WIPF1: variants seen among roughly 807,000 people sequenced by gnomAD.
The protein encoded by WIPF1 is WAS/WASL-interacting protein family member 1.
In WIPF1, 13 loss-of-function variants were observed where a neutral mutation model predicts 35.4. The ratio of observed to expected loss-of-function variants is 0.37; its 90% CI spans 0.24 to 0.58. WIPF1 has a LOEUF of 0.58. WIPF1 is among the 20% of genes least tolerant of loss of function. The pLI is 0.74. For synonymous variants in WIPF1, 267 were observed against 266.3 expected, an observed-to-expected ratio of 1.00 and a Z score of -0.02; for missense variants, 591 against 667.0, an observed-to-expected ratio of 0.89 and a Z score of 1.25.
intron 1 of WIPF1, chr2:174,673,840 G>C (rs78033978): frequency 7.4e-6 from 1 of 136,032 alleles, no homozygotes; most frequent in African/African-American, 2.7e-5. Flanking sequence ...AAAAAAAAAA[G>C]AGTAACACTT....
At chr2:174,562,644 C>T (rs144729001) in intron 7 of WIPF1, 42 bp from the exon 8 acceptor site, 13 of 1,609,998 alleles carry the variant, frequency 8.1e-6, no homozygotes, top group Non-Finnish European at 1.1e-5. Flanking sequence ...GGTTAGAAAG[C>T]TGATGTTCTC....
At chr2:174,601,874 A>G (rs1686019837), upstream of WIPF1, among the ~76,000 whole-genome samples, 1 of 152,128 alleles carries the variant, frequency 6.6e-6, no homozygotes, top group Non-Finnish European at 1.5e-5. Flanking sequence ...CCTGGGCTCC[A>G]CTCCACTGTC....
exon 1 of WIPF1, chr2:174,682,852 A>C (rs1284379853): frequency 1.3e-5 from 2 of 151,834 alleles, no homozygotes; most frequent in African/African-American, 4.8e-5. Context: ...CGGGGTCCGC[A>C]GGGCTGAGCC....
Position 174,678,398 on chromosome 2 carries a change from T to C in WIPF1, c.-39+4376A>G, listed in dbSNP as rs146248867. Among the ~76,000 whole-genome samples the C allele has an allele frequency of 5.9e-5, 9 of 152,370 alleles. No individual in the cohort carries two copies. In the East Asian group the frequency reaches 1.7e-3, roughly 29 times the overall value. ...TTAGCTACATTTTTATTTTATTGAC[T>C]ATTAGCATAGTCTATTATTTTTGAC... On this transcript the variant is annotated intron_variant, in intron 1 of 8. Coordinates refer to the WIPF1 transcript ENST00000272746.
chr2:174,584,638 A>C (rs1168755106), intron 2 of WIPF1, among the ~76,000 whole-genome samples: 1 of 152,140 alleles, frequency 6.6e-6, no homozygotes, highest in Non-Finnish European at 1.5e-5. Context: ...TGAGCCGGGC[A>C]CAGTGGCTCA....
rs867644386 is a variant in WIPF1 at position 174,671,027 on chromosome 2, A to T, written c.-39+11747T>A. On this transcript the variant is annotated intron_variant, in intron 1 of 8. Transcript: ENST00000272746. The stretch of plus-strand genomic sequence containing the variant: ...AGTCCGGAATTGGTGCTTCCTGGTT[A>T]TATCTGAAGTGCTCCTTAAAAGGGG... 3.3e-5 allele frequency among the ~76,000 whole-genome samples: 5 copies of T among 152,314 alleles called. No homozygotes were observed. In the Middle Eastern group the frequency reaches 0.014, roughly 414 times the overall value.
chr2:174,642,852 T>G (rs1049527053), intron 1 of WIPF1, among the ~76,000 whole-genome samples: 7 of 149,542 alleles, frequency 4.7e-5, no homozygotes, highest in African/African-American at 1.8e-4. Flanking sequence ...CCCCACTTTG[T>G]TTTGCTTTAT....
At chr2:174,662,881 C>A (rs1441610477) in intron 1 of WIPF1, among the ~76,000 whole-genome samples, 2 of 152,202 alleles carry the variant, frequency 1.3e-5, no homozygotes, top group Non-Finnish European at 2.9e-5. Context: ...ATGAATGCAA[C>A]ACCTTTAACA....
intron 1 of WIPF1, among the ~76,000 whole-genome samples, chr2:174,661,507 T>A (rs1487664711): frequency 6.6e-6 from 1 of 152,110 alleles, no homozygotes. Context: ...ATCATCCATC[T>A]GTCTCCTTGT....
chr2:174,670,220 G>A (rs1424582292), intron 1 of WIPF1, among the ~76,000 whole-genome samples: 1 of 152,090 alleles, frequency 6.6e-6, no homozygotes, highest in Admixed American at 6.6e-5. Context: ...GTCTCTCCCT[G>A]CAGCTCAGAA....
At chr2:174,585,697 A>G in intron 1 of WIPF1, 86 bp from the exon 2 acceptor site, 1 of 873,808 alleles carries the variant, frequency 1.1e-6, no homozygotes, top group Non-Finnish European at 1.8e-6. Flanking sequence ...CCAAAGTGAC[A>G]GCTCCACCTA....
In WIPF1 at chr2:174,576,243, A is replaced by AAAACAAAAAAAAAAAAAC. The variant is rs1685058442; in HGVS notation, c.182-864_182-863insGTTTTTTTTTTTTTGTTT. Among the ~76,000 whole-genome samples, 7 of 150,350 alleles carry AAAACAAAAAAAAAAAAAC rather than the reference A, an allele frequency of 4.7e-5. 1 individual carries two copies. The highest frequency in any genetic ancestry group is 1.8e-4 in the African/African-American group (7 of 39,906). On this transcript the variant is annotated intron_variant, in intron 3 of 7. Coordinates refer to ENST00000679041, the MANE Select transcript of WIPF1 (RefSeq NM_001375834.1). The stretch of plus-strand genomic sequence containing the variant: ...ACTGCACTCCAGCAAAAAAAAAAAA[A>AAAACAAAAAAAAAAAAAC]AAAAAACACTAAGCAAATATCCACA...
At chr2:174,618,734 C>T (rs1686588362) in intron 1 of WIPF1, among the ~76,000 whole-genome samples, 1 of 152,156 alleles carries the variant, frequency 6.6e-6, no homozygotes, top group African/African-American at 2.4e-5. Context: ...GTGGCAGAGA[C>T]ATAATTTAAG....
chr2:174,584,593 T>C (rs1685341583), intron 2 of WIPF1, among the ~76,000 whole-genome samples: 1 of 152,132 alleles, frequency 6.6e-6, no homozygotes, highest in Non-Finnish European at 1.5e-5. Context: ...GAGGGCACAC[T>C]AACTTCCCCA....
chr2:174,565,517 T>C (rs1559144324), intron 7 of WIPF1, among the ~76,000 whole-genome samples: 1 of 152,208 alleles, frequency 6.6e-6, no homozygotes, highest in Non-Finnish European at 1.5e-5. Flanking sequence ...AGCACAGCCA[T>C]GTTCCTGTCT....
At chr2:174,603,370 G>C (rs1686063974) in intron 1 of WIPF1, among the ~76,000 whole-genome samples, 1 of 152,242 alleles carries the variant, frequency 6.6e-6, no homozygotes, top group African/African-American at 2.4e-5. Flanking sequence ...CTAGAAGTGA[G>C]TGTTGAATGT....
intron 1 of WIPF1, among the ~76,000 whole-genome samples, chr2:174,620,638 T>C (rs935404419): frequency 6.6e-6 from 1 of 152,214 alleles, no homozygotes; most frequent in African/African-American, 2.4e-5. Flanking sequence ...GTCTATACTA[T>C]GGCCAGACCC....
intron 1 of WIPF1, among the ~76,000 whole-genome samples, chr2:174,634,204 G>A (rs1415610161): frequency 6.6e-6 from 1 of 152,224 alleles, no homozygotes; most frequent in Non-Finnish European, 1.5e-5. Context: ...TACATTAACA[G>A]GTAAAAATGA....
rs1040586347 is a variant in WIPF1, at chr2:174,571,869, A to C, written c.936T>G (p.Pro312=). ...GAGGAGGCGGCCCGGGCCTGCTGGG[A>C]GGTGGCGGCGGAGGTGGGGCCTGTG... ...ASSQAPPPPP[P]PSRPGPPPLP... Residue 312 remains proline, a synonymous_variant, in exon 5 of 8, where the codon CCT becomes CCG. Transcript: ENST00000679041. This position sits in a 1 kb window ranked among gnomAD's most constrained non-coding sequence, Gnocchi z 4.6. 1 of 1,611,692 alleles carries C rather than the reference A, an allele frequency of 6.2e-7. No homozygotes were observed. The highest frequency in any genetic ancestry group is 8.5e-7 in the Non-Finnish European group (1 of 1,179,324).
Sources: allele counts gnomAD v4.1 joint callset (sites outside exome capture counted in the v4.1 genomes callset), GRCh38; gene constraint gnomAD v4.1.1; non-coding constraint Gnocchi (gnomAD v3.1); transcripts MANE v1.5; gene names NCBI Gene and HGNC (gene_info 2026-07-23, HGNC 2026-07-21).